The following TENM3 variants were observed in gnomAD, a reference collection of about 807,000 sequenced individuals.
TENM3 encodes teneurin-3.
In TENM3, 63 loss-of-function variants were observed where a neutral mutation model predicts 255.1. That is an observed-to-expected ratio of 0.25 (90% confidence interval 0.20 to 0.30). The LOEUF (loss-of-function observed/expected upper bound fraction) is 0.30, where lower values mean the gene tolerates loss of function less well. Among genes scored for constraint, TENM3 ranks in the 10% least tolerant of loss-of-function variants. The pLI is 1.00. For synonymous variants in TENM3, 1,306 were observed against 1,322.3 expected (o/e 0.99, Z 0.27); for missense variants, 2,929 against 3,461.1 (o/e 0.85, Z 3.86).
chr4:182,781,931 A>G (rs1255679880), intron 24 of TENM3, among the ~76,000 whole-genome samples: 1 of 148,426 alleles, frequency 6.7e-6, no homozygotes, highest in Non-Finnish European at 1.5e-5. Flanking sequence ...TGCATCTATT[A>G]GATTCTTCTC....
At chr4:181,550,082 G>A in the TENM3 span, among the ~76,000 whole-genome samples, 1 of 152,096 alleles carries the variant, frequency 6.6e-6, no homozygotes, top group Non-Finnish European at 1.5e-5. Context: ...ACTAAAAAAT[G>A]TGGTAACCTA....
In TENM3 at chr4:182,345,334, C is replaced by T. The variant is rs114542158; in HGVS notation, c.233-1317C>T. ...GATTCAACATGGTATCATTTTATCA[C>T]AAATAATTTATAATACCCTCTTTCA... On this transcript the variant is annotated intron_variant, in intron 2 of 27. Transcript: ENST00000511685. Among the ~76,000 whole-genome samples the T allele has an allele frequency of 7.8e-3, 1,183 of 152,206 alleles. 18 individuals are homozygous for T. Among genetic ancestry groups the T allele is most frequent in the African/African-American group, 0.027 (1,108 of 41,542 alleles).
intron 3 of TENM3, among the ~76,000 whole-genome samples, chr4:182,375,361 A>G (rs927834223): frequency 6.6e-6 from 1 of 152,144 alleles, no homozygotes; most frequent in Non-Finnish European, 1.5e-5. Flanking sequence ...CAACAGCGGA[A>G]TGAACGAAAT....
At chr4:182,093,932 G>C in the TENM3 span, among the ~76,000 whole-genome samples, 2 of 152,136 alleles carry the variant, frequency 1.3e-5, no homozygotes, top group Non-Finnish European at 1.5e-5. Flanking sequence ...ATATATAATA[G>C]ATTTGCCTTT....
At chr4:181,852,301 G>A in the TENM3 span, among the ~76,000 whole-genome samples, 2 of 152,290 alleles carry the variant, frequency 1.3e-5, no homozygotes, top group Non-Finnish European at 2.9e-5. Flanking sequence ...AAACCTTAAC[G>A]TCTTTTCCTT....
the TENM3 span, among the ~76,000 whole-genome samples, chr4:182,085,721 G>T: frequency 6.6e-6 from 1 of 152,096 alleles, no homozygotes; most frequent in Admixed American, 6.6e-5. Flanking sequence ...AAAGATAGCT[G>T]AATGCCCATT....
the TENM3 span, among the ~76,000 whole-genome samples, chr4:181,970,303 C>T: frequency 5.9e-5 from 9 of 152,140 alleles, no homozygotes; most frequent in African/African-American, 1.9e-4. Flanking sequence ...AATTCGCTGT[C>T]AGGATCTACA....
At chr4:182,719,366 A>T (rs113775192) in intron 13 of TENM3, among the ~76,000 whole-genome samples, 2,316 of 129,282 alleles carry the variant, frequency 0.018, 41 homozygotes, top group Middle Eastern at 0.026. Flanking sequence ...GGTTCAAGGG[A>T]TTCTCCTGCC....
chr4:182,298,815 A>T (rs1374948681), intron 1 of TENM3, among the ~76,000 whole-genome samples: 4 of 151,542 alleles, frequency 2.6e-5, no homozygotes, highest in African/African-American at 9.7e-5. Context: ...TCTACCAAAA[A>T]TATAAAAATT....
At chr4:181,831,966 C>T in the TENM3 span, among the ~76,000 whole-genome samples, 1 of 82,424 alleles carries the variant, frequency 1.2e-5, no homozygotes, top group Non-Finnish European at 2.5e-5. Flanking sequence ...ATATATATTA[C>T]ATTGTGTGTG....
At chr4:182,466,784 C>T (rs954641374) in intron 3 of TENM3, among the ~76,000 whole-genome samples, 1 of 151,444 alleles carries the variant, frequency 6.6e-6, no homozygotes, top group Non-Finnish European at 1.5e-5. Context: ...TTTGAGGGCA[C>T]GCTTTCCAAC....
the TENM3 span, among the ~76,000 whole-genome samples, chr4:181,725,964 C>T: frequency 1.5e-4 from 22 of 151,668 alleles, no homozygotes; most frequent in Admixed American, 2.0e-4. Flanking sequence ...CTTTGCCTGC[C>T]GTTCAAACAA....
the TENM3 span, among the ~76,000 whole-genome samples, chr4:182,090,316 C>T: frequency 6.6e-6 from 1 of 152,216 alleles, no homozygotes; most frequent in African/African-American, 2.4e-5. Flanking sequence ...GACAGACCAC[C>T]CCATAGTGGG....
At chr4:181,543,273 A>T in the TENM3 span, among the ~76,000 whole-genome samples, 2 of 152,150 alleles carry the variant, frequency 1.3e-5, no homozygotes, top group East Asian at 3.9e-4. Context: ...GGTCACCAGA[A>T]TTACAGAGCT....
intron 5 of TENM3, 137 bp downstream of exon 5, chr4:182,629,026 A>G (rs886835623): frequency 3.1e-6 from 2 of 639,664 alleles, no homozygotes; most frequent in Admixed American, 3.0e-5. Flanking sequence ...ATAATGTATC[A>G]TAAATCACAG....
chr4:182,566,874 T>C (rs1443343587), intron 3 of TENM3, among the ~76,000 whole-genome samples: 1 of 152,200 alleles, frequency 6.6e-6, no homozygotes, highest in Non-Finnish European at 1.5e-5. Flanking sequence ...TTCTATAGTA[T>C]TTCACTATTT....
At chr4:181,608,548 G>C in the TENM3 span, among the ~76,000 whole-genome samples, 1 of 151,472 alleles carries the variant, frequency 6.6e-6, no homozygotes, top group African/African-American at 2.4e-5. Context: ...TAATGCCTTG[G>C]ATTGGACCGG....
At chr4:181,457,197 T>C in the TENM3 span, among the ~76,000 whole-genome samples, 1 of 151,826 alleles carries the variant, frequency 6.6e-6, no homozygotes, top group African/African-American at 2.4e-5. Context: ...TATTTCAAAA[T>C]GATTTATATT....
intron 3 of TENM3, among the ~76,000 whole-genome samples, chr4:182,482,357 A>G (rs1409649185): frequency 6.6e-6 from 1 of 152,142 alleles, no homozygotes; most frequent in Non-Finnish European, 1.5e-5. Flanking sequence ...GATTTTTTGT[A>G]TGTTCCTATG....
Sources: allele counts gnomAD v4.1 joint callset (sites outside exome capture counted in the v4.1 genomes callset), GRCh38; gene constraint gnomAD v4.1.1; transcripts MANE v1.5; gene names NCBI Gene and HGNC (gene_info 2026-07-23, HGNC 2026-07-21).